STARD13: variants seen among roughly 807,000 people sequenced by gnomAD.
The protein encoded by STARD13 is StAR related lipid transfer domain containing 13.
A neutral mutation model predicts 106.4 loss-of-function variants in STARD13; 62 were observed. The ratio of observed to expected loss-of-function variants is 0.58; its 90% CI spans 0.48 to 0.72. STARD13 has a LOEUF of 0.72. Ranked by LOEUF, STARD13 falls within the 30% of genes least tolerant of loss-of-function variation. STARD13 has a pLI of 0.00. For missense variants in STARD13, 1,387 were observed against 1,424.0 expected, an observed-to-expected ratio of 0.97 and a Z score of 0.42; for synonymous variants, 565 against 553.0, an observed-to-expected ratio of 1.02 and a Z score of -0.31.
the STARD13 span, among the ~76,000 whole-genome samples, chr13:33,614,303 G>A: frequency 6.6e-6 from 1 of 150,728 alleles, no homozygotes; most frequent in Non-Finnish European, 1.5e-5. Context: ...GTGTTTCTTG[G>A]AAAATTGGAA....
At chr13:33,460,330 C>CAA in the STARD13 span, among the ~76,000 whole-genome samples, 512 of 138,282 alleles carry the variant, frequency 3.7e-3, 2 homozygotes, top group African/African-American at 0.013. Flanking sequence ...TAGTAAAATA[C>CAA]AAAAAAAAAA....
intron 1 of STARD13, among the ~76,000 whole-genome samples, chr13:33,304,289 T>C (rs1386297580): frequency 2.0e-5 from 3 of 152,136 alleles, no homozygotes; most frequent in Non-Finnish European, 2.9e-5. Flanking sequence ...AAAAGTAAAA[T>C]TATTTTTCTT....
At chr13:33,642,755 G>A in the STARD13 span, among the ~76,000 whole-genome samples, 1 of 151,202 alleles carries the variant, frequency 6.6e-6, no homozygotes, top group Non-Finnish European at 1.5e-5. Flanking sequence ...CTATCGCCCT[G>A]TGTTTCCTCA....
At chr13:33,267,820 C>G (rs1273817064) in intron 1 of STARD13, among the ~76,000 whole-genome samples, 11 of 152,162 alleles carry the variant, frequency 7.2e-5, no homozygotes, top group African/African-American at 2.7e-4. Flanking sequence ...TATGTTGTCT[C>G]TGCTGCTGGG....
chr13:33,449,177 G>T, the STARD13 span, among the ~76,000 whole-genome samples: 2 of 151,788 alleles, frequency 1.3e-5, no homozygotes, highest in Non-Finnish European at 2.9e-5. Context: ...CCTGGTGTAG[G>T]ATATTTTTCA....
chr13:33,195,559 G>T (rs114789376), intron 1 of STARD13, among the ~76,000 whole-genome samples: 1 of 152,140 alleles, frequency 6.6e-6, no homozygotes, highest in African/African-American at 2.4e-5. Flanking sequence ...CAGATTTGCC[G>T]CATGGACAGA....
intron 1 of STARD13, among the ~76,000 whole-genome samples, chr13:33,207,247 G>A (rs1392222145): frequency 6.6e-6 from 1 of 152,172 alleles, no homozygotes; most frequent in Admixed American, 6.5e-5. Context: ...TACGAAGTAA[G>A]CATAGGGCAG....
At chr13:33,163,127 A>G (rs1051746819) in intron 3 of STARD13, among the ~76,000 whole-genome samples, 2 of 152,178 alleles carry the variant, frequency 1.3e-5, no homozygotes, top group South Asian at 2.1e-4. Flanking sequence ...TGATAAAACC[A>G]TCAGATCTCA....
the STARD13 span, among the ~76,000 whole-genome samples, chr13:33,481,977 C>T: frequency 4.8e-5 from 7 of 144,508 alleles, no homozygotes; most frequent in South Asian, 2.2e-4. Flanking sequence ...AGCGAGACTC[C>T]GTCTCGAAAA....
the STARD13 span, among the ~76,000 whole-genome samples, chr13:33,651,933 G>A: frequency 6.6e-6 from 1 of 152,138 alleles, no homozygotes; most frequent in African/African-American, 2.4e-5. Context: ...GACCCTTCAG[G>A]CCAGATCAGC....
the STARD13 span, among the ~76,000 whole-genome samples, chr13:33,379,967 A>G: frequency 1.3e-5 from 2 of 152,064 alleles, no homozygotes; most frequent in Non-Finnish European, 2.9e-5. Context: ...CTCAAGGACA[A>G]TGTTCTCAGA....
chr13:33,136,666 C>G (rs991063416), intron 4 of STARD13, among the ~76,000 whole-genome samples: 2 of 152,308 alleles, frequency 1.3e-5, no homozygotes, highest in East Asian at 1.9e-4. Context: ...TATAAAAGCC[C>G]AGACCCAGCC....
the STARD13 span, among the ~76,000 whole-genome samples, chr13:33,405,493 T>A: frequency 6.6e-6 from 1 of 152,372 alleles, no homozygotes; most frequent in South Asian, 2.1e-4. Context: ...CAGAGCAACA[T>A]GATCTCTGCT....
chr13:33,502,616 G>A, the STARD13 span, among the ~76,000 whole-genome samples: 4 of 152,108 alleles, frequency 2.6e-5, no homozygotes. Context: ...TTTTGTCCAA[G>A]GCCTTTTCTG....
At chr13:33,369,547 C>T in the STARD13 span, among the ~76,000 whole-genome samples, 1 of 152,252 alleles carries the variant, frequency 6.6e-6, no homozygotes, top group African/African-American at 2.4e-5. Flanking sequence ...GGTGTGGAAA[C>T]GGATCTAGTA....
At chr13:33,273,698 T>A (rs1891272883) in intron 1 of STARD13, among the ~76,000 whole-genome samples, 1 of 152,238 alleles carries the variant, frequency 6.6e-6, no homozygotes, top group Admixed American at 6.5e-5. Context: ...CTTAAATAAT[T>A]CATTTGAATT....
intron 1 of STARD13, among the ~76,000 whole-genome samples, chr13:33,323,919 C>T (rs879913689): frequency 2.0e-5 from 3 of 152,116 alleles, no homozygotes; most frequent in Admixed American, 6.5e-5. Flanking sequence ...CAGGATCTTG[C>T]GCTCCTCTTG....
intron 1 of STARD13, among the ~76,000 whole-genome samples, chr13:33,258,127 C>T (rs1375461935): frequency 1.3e-5 from 2 of 152,172 alleles, no homozygotes; most frequent in African/African-American, 4.8e-5. Flanking sequence ...GTGAGAGTCC[C>T]CTCATTTGCA....
Position 33,129,781 on chromosome 13 carries a change from T to C in STARD13, c.896A>G (p.Lys299Arg). 1 of 1,614,000 alleles carries C rather than the reference T, an allele frequency of 6.2e-7. No homozygotes were observed. Among genetic ancestry groups the C allele is most frequent in the Non-Finnish European group, 8.5e-7 (1 of 1,180,032 alleles). ...PMLQQEPESF[K>R]AMQCIQIPNG... Reference sequence around the variant, plus strand: ...TGGTATTTGGATGCACTGCATAGCCTTAAAGGACTCTGGCTCCTGCTGCAA... The same window carrying C: ...TGGTATTTGGATGCACTGCATAGCCCTAAAGGACTCTGGCTCCTGCTGCAA... The change falls in exon 5 of 14, where the codon AAG (lysine) becomes AGG (arginine). Residue 299 changes from lysine (K) to arginine (R), a missense_variant. Transcript: ENST00000336934.
Sources: allele counts gnomAD v4.1 joint callset (sites outside exome capture counted in the v4.1 genomes callset), GRCh38; gene constraint gnomAD v4.1.1; transcripts MANE v1.5; gene names NCBI Gene and HGNC (gene_info 2026-07-23, HGNC 2026-07-21).